The following SDK1 variants were observed in gnomAD, a reference collection of about 807,000 sequenced individuals.
SDK1 encodes the protein sidekick cell adhesion molecule 1, also known as protein sidekick-1.
Under a neutral mutation model 245.5 loss-of-function variants are expected in SDK1, and 157 were observed. That is an observed-to-expected ratio of 0.64 (90% CI 0.56 to 0.73). The LOEUF (loss-of-function observed/expected upper bound fraction) is 0.73, where lower values mean the gene tolerates loss of function less well. SDK1 is among the 30% of genes least tolerant of loss of function. The pLI, the probability that SDK1 is intolerant of heterozygous loss-of-function variation, is 0.00. For missense variants in SDK1, 3,583 were observed against 3,002.3 expected (o/e 1.19, Z -4.52); for synonymous variants, 1,647 against 1,278.5 (o/e 1.29, Z -6.15).
chr7:3,348,615 C>G (rs1012634435), intron 1 of SDK1, among the ~76,000 whole-genome samples: 4 of 152,162 alleles, frequency 2.6e-5, no homozygotes, highest in Admixed American at 6.5e-5. Flanking sequence ...ACTACCTGGG[C>G]TATGGGCTCG....
chr7:3,360,012 T>A (rs956269560), intron 1 of SDK1, among the ~76,000 whole-genome samples: 2 of 152,192 alleles, frequency 1.3e-5, no homozygotes, highest in Admixed American at 6.5e-5. Context: ...ACACTTTGTT[T>A]TGCTTCTGGT....
intron 5 of SDK1, among the ~76,000 whole-genome samples, chr7:3,927,373 C>T (rs556742912): frequency 6.6e-6 from 1 of 152,198 alleles, no homozygotes; most frequent in South Asian, 2.1e-4. Flanking sequence ...TATTGAGCAC[C>T]TACCGTGTGC....
intron 4 of SDK1, among the ~76,000 whole-genome samples, chr7:3,753,124 A>G (rs1002956739): frequency 1.3e-5 from 2 of 152,220 alleles, no homozygotes; most frequent in African/African-American, 2.4e-5. Context: ...TGAGAGAACT[A>G]GGATGGCGGC....
chr7:3,510,095 G>A (rs953327353), intron 1 of SDK1, among the ~76,000 whole-genome samples: 1 of 152,158 alleles, frequency 6.6e-6, no homozygotes, highest in Non-Finnish European at 1.5e-5. Flanking sequence ...TTCCTCCAGT[G>A]TTTCCTAAGC....
intron 5 of SDK1, among the ~76,000 whole-genome samples, chr7:3,900,086 CAA>C (rs1009932381): frequency 6.6e-6 from 1 of 152,150 alleles, no homozygotes; most frequent in African/African-American, 2.4e-5. Context: ...AGCAGTTTTA[CAA>C]AAAAACCTAA....
chr7:4,080,719 G>C (rs985200763), intron 22 of SDK1, among the ~76,000 whole-genome samples: 1 of 152,110 alleles, frequency 6.6e-6, no homozygotes, highest in Non-Finnish European at 1.5e-5. Context: ...GCGTTGAGGG[G>C]GTGGGGAGGG....
chr7:3,645,768 A>G (rs1782815212), intron 4 of SDK1, among the ~76,000 whole-genome samples: 1 of 152,180 alleles, frequency 6.6e-6, no homozygotes, highest in Non-Finnish European at 1.5e-5. Context: ...TTTGTTATAT[A>G]CCCACAGAGA....
chr7:4,186,210 T>C (rs1003415686), intron 35 of SDK1, among the ~76,000 whole-genome samples: 9 of 152,234 alleles, frequency 5.9e-5, no homozygotes, highest in African/African-American at 2.2e-4. Context: ...CAGCCCCAGA[T>C]GTGTCGTGGG....
chr7:3,630,747 A>G (rs1191605028), intron 2 of SDK1, among the ~76,000 whole-genome samples: 1 of 152,224 alleles, frequency 6.6e-6, no homozygotes, highest in African/African-American at 2.4e-5. Context: ...GAAAGAGAGA[A>G]GAAAAAGAAG....
intron 1 of SDK1, among the ~76,000 whole-genome samples, chr7:3,618,114 G>A (rs1189006035): frequency 6.6e-6 from 1 of 152,136 alleles, no homozygotes; most frequent in South Asian, 2.1e-4. Flanking sequence ...GCTAATTAGT[G>A]ATGCTACAGC....
intron 1 of SDK1, among the ~76,000 whole-genome samples, chr7:3,323,165 C>T (rs186848702): frequency 4.6e-5 from 7 of 152,198 alleles, no homozygotes; most frequent in East Asian, 1.9e-4. Flanking sequence ...CCCCTTCCCC[C>T]ACTCGACCGA....
chr7:3,847,766 TAAAAC>T (rs1780315942), intron 5 of SDK1, among the ~76,000 whole-genome samples: 1 of 152,230 alleles, frequency 6.6e-6, no homozygotes, highest in African/African-American at 2.4e-5. Context: ...AATCACATTT[TAAAAC>T]AAAACCATGA....
chr7:3,591,240 A>G (rs1168649472), intron 1 of SDK1, among the ~76,000 whole-genome samples: 1 of 152,140 alleles, frequency 6.6e-6, no homozygotes, highest in African/African-American at 2.4e-5. Context: ...TATAAGGATT[A>G]CCTTTTTCCT....
intron 30 of SDK1, among the ~76,000 whole-genome samples, chr7:4,152,007 C>G (rs1164376271): frequency 1.3e-5 from 2 of 152,208 alleles, no homozygotes; most frequent in Non-Finnish European, 2.9e-5. Flanking sequence ...CACAGTCAGT[C>G]TCCCCTTAGT....
At chr7:3,699,782 A>C (rs1047669386) in intron 4 of SDK1, among the ~76,000 whole-genome samples, 2 of 152,242 alleles carry the variant, frequency 1.3e-5, no homozygotes, top group Non-Finnish European at 2.9e-5. Flanking sequence ...AAATTCGTTG[A>C]AGAATTGTTC....
intron 1 of SDK1, among the ~76,000 whole-genome samples, chr7:3,320,017 G>A (rs1034356800): frequency 5.3e-5 from 8 of 151,542 alleles, no homozygotes; most frequent in African/African-American, 1.9e-4. Context: ...TGGATGTGGT[G>A]GAGGGATATG....
intron 22 of SDK1, among the ~76,000 whole-genome samples, chr7:4,100,336 G>A (rs1199607304): frequency 6.6e-6 from 1 of 152,160 alleles, no homozygotes; most frequent in Non-Finnish European, 1.5e-5. Context: ...GAAGGAGCTG[G>A]TTCCTTCAGG....
In SDK1 at chr7:3,626,028, G is replaced by C. The variant is rs562620528; in HGVS notation, c.458+6789G>C. Among the ~76,000 whole-genome samples the C allele has an allele frequency of 4.0e-3, 587 of 147,432 alleles. 6 individuals are homozygous for C. The highest frequency in any genetic ancestry group is 0.014 in the African/African-American group (571 of 39,706). The stretch of plus-strand genomic sequence containing the variant: ...GTGTAATCATAGCTCATTGCAGCCT[G>C]GAACTCCTAGACTGAAGTGATCCTT... On this transcript the variant is annotated intron_variant, in intron 2 of 44. Coordinates refer to ENST00000404826, the MANE Select transcript of SDK1 (RefSeq NM_152744.4).
At chr7:4,049,107 G>A (rs904389954) in intron 17 of SDK1, among the ~76,000 whole-genome samples, 1 of 152,188 alleles carries the variant, frequency 6.6e-6, no homozygotes, top group Non-Finnish European at 1.5e-5. Flanking sequence ...ATGAGAGGAT[G>A]GTCTGGTCCA....
Sources: allele counts gnomAD v4.1 joint callset (sites outside exome capture counted in the v4.1 genomes callset), GRCh38; gene constraint gnomAD v4.1.1; transcripts MANE v1.5; gene names NCBI Gene and HGNC (gene_info 2026-07-23, HGNC 2026-07-21).